Variants in ARID4B observed in about 807,000 individuals in gnomAD.
ARID4B encodes AT-rich interactive domain-containing protein 4B.
In ARID4B, 26 loss-of-function variants were observed where a neutral mutation model predicts 147.5. The observed-to-expected ratio is 0.18, with a 90% CI of 0.13 to 0.24. The LOEUF (loss-of-function observed/expected upper bound fraction) is 0.24, where lower values mean the gene tolerates loss of function less well. Among genes scored for constraint, ARID4B ranks in the 10% least tolerant of loss-of-function variants. The pLI, the probability that ARID4B is intolerant of heterozygous loss-of-function variation, is 1.00. For missense variants in ARID4B, 1,179 were observed against 1,511.5 expected (o/e 0.78, Z 3.65); for synonymous variants, 512 against 507.9 (o/e 1.01, Z -0.11).
At chr1:235,248,673 GTTGT>G (rs1457051865) in intron 6 of ARID4B, among the ~76,000 whole-genome samples, 2 of 152,154 alleles carry the variant, frequency 1.3e-5, no homozygotes, top group Non-Finnish European at 2.9e-5. Flanking sequence ...TTTCTAAAGA[GTTGT>G]TTAAGAATCA....
chr1:235,275,315 G>A (rs1223675992), intron 2 of ARID4B, among the ~76,000 whole-genome samples: 1 of 152,230 alleles, frequency 6.6e-6, no homozygotes, highest in African/African-American at 2.4e-5. Context: ...ACTCTGCTAT[G>A]AAGTTAAAGC....
At chr1:235,293,294 C>G (rs1021273556) in intron 2 of ARID4B, among the ~76,000 whole-genome samples, 1 of 152,110 alleles carries the variant, frequency 6.6e-6, no homozygotes, top group African/African-American at 2.4e-5. Context: ...AAATACTGAT[C>G]ATTAACACAA....
rs532683444 is a variant in ARID4B, at chr1:235,235,643, C to T, written c.586-1151G>A. Among the ~76,000 whole-genome samples the T allele has an allele frequency of 3.9e-5, 6 of 151,922 alleles. No individual in the cohort carries two copies. In the South Asian group the frequency reaches 1.2e-3, roughly 32 times the overall value. On this transcript the variant is annotated intron_variant, in intron 8 of 23. Transcript: ENST00000264183. ...AAGCTTTAAAAGGAGATGAGATCAC[C>T]GTAAAGAAAATACAGCGATACATTC... is the stretch of plus-strand genomic sequence containing the variant.
chr1:235,229,149 T>C (rs202181367), intron 11 of ARID4B, 82 bp downstream of exon 11: 3 of 1,476,524 alleles, frequency 2.0e-6, no homozygotes, highest in Non-Finnish European at 2.7e-6. Context: ...ATATGAGTAA[T>C]GACTTAATGC....
intron 16 of ARID4B, among the ~76,000 whole-genome samples, chr1:235,216,499 G>T (rs1317855761): frequency 6.6e-6 from 1 of 151,816 alleles, no homozygotes. Context: ...ATGCCACTAC[G>T]CTCTGCTGAT....
intron 2 of ARID4B, among the ~76,000 whole-genome samples, chr1:235,303,845 T>A (rs1394145088): frequency 3.3e-5 from 5 of 152,248 alleles, no homozygotes; most frequent in Non-Finnish European, 7.3e-5. Context: ...GCACACTAGC[T>A]ATACTACATA....
At chr1:235,295,587 G>A (rs1261145633) in intron 2 of ARID4B, among the ~76,000 whole-genome samples, 4 of 150,984 alleles carry the variant, frequency 2.6e-5, no homozygotes, top group African/African-American at 4.9e-5. Context: ...CAAGGCAGGC[G>A]GATCCGGAGG....
chr1:235,318,957 T>C (rs4659493), intron 2 of ARID4B, among the ~76,000 whole-genome samples: 44,663 of 151,834 alleles, frequency 0.29, 7,684 homozygotes, highest in South Asian at 0.53. Context: ...GGATAAGAAG[T>C]TTCTTGTTGG....
At chr1:235,318,166 TC>T (rs1430549100) in intron 2 of ARID4B, among the ~76,000 whole-genome samples, 10 of 138,680 alleles carry the variant, frequency 7.2e-5, no homozygotes, top group African/African-American at 2.1e-4. Flanking sequence ...CACTTGCTAC[TC>T]CTTTTTTTTT....
intron 2 of ARID4B, among the ~76,000 whole-genome samples, chr1:235,317,122 T>A (rs1397293102): frequency 1.3e-5 from 2 of 152,174 alleles, no homozygotes; most frequent in African/African-American, 4.8e-5. Flanking sequence ...TAATAAAAAT[T>A]TTTTTCTGAT....
chr1:235,242,334 T>G (rs967929428), intron 7 of ARID4B, among the ~76,000 whole-genome samples: 1 of 151,698 alleles, frequency 6.6e-6, no homozygotes, highest in South Asian at 2.1e-4. Context: ...ATAAGAAAAC[T>G]CAACCACCTT....
chr1:235,321,120 T>A (rs903787567), intron 2 of ARID4B, among the ~76,000 whole-genome samples: 7 of 152,216 alleles, frequency 4.6e-5, no homozygotes, highest in African/African-American at 1.7e-4. Flanking sequence ...GTTCAATGAC[T>A]GAATTCACTG....
intron 17 of ARID4B, among the ~76,000 whole-genome samples, chr1:235,212,807 TCAAA>T (rs1666794343): frequency 6.6e-6 from 1 of 152,130 alleles, no homozygotes; most frequent in African/African-American, 2.4e-5. Context: ...TTTGCAACAC[TCAAA>T]CACAGAATTT....
intron 7 of ARID4B, among the ~76,000 whole-genome samples, chr1:235,245,889 A>G (rs1669273007): frequency 6.6e-6 from 1 of 152,226 alleles, no homozygotes; most frequent in African/African-American, 2.4e-5. Context: ...AAGATCACAC[A>G]GCAAGGAAGT....
At chr1:235,319,380 C>T (rs1022235146) in intron 2 of ARID4B, among the ~76,000 whole-genome samples, 4 of 152,052 alleles carry the variant, frequency 2.6e-5, no homozygotes, top group African/African-American at 9.7e-5. Flanking sequence ...GGCATGGTGC[C>T]GTGCACCTCT....
intron 17 of ARID4B, among the ~76,000 whole-genome samples, chr1:235,213,058 C>T (rs1297386314): frequency 6.6e-6 from 1 of 152,056 alleles, no homozygotes; most frequent in Non-Finnish European, 1.5e-5. Context: ...AACTGGCTTG[C>T]CAATTTTGGA....
At chr1:235,302,490 T>C (rs1673253638) in intron 2 of ARID4B, among the ~76,000 whole-genome samples, 2 of 152,228 alleles carry the variant, frequency 1.3e-5, no homozygotes, top group African/African-American at 4.8e-5. Flanking sequence ...TATCATTACA[T>C]GTTGAAATAA....
chr1:235,258,794 T>C (rs138486741), intron 3 of ARID4B, among the ~76,000 whole-genome samples: 1,565 of 152,328 alleles, frequency 0.01, 25 homozygotes, highest in African/African-American at 0.033. Context: ...ATCACATGTT[T>C]AGATATCTGT....
chr1:235,301,492 T>C (rs553771049), intron 2 of ARID4B, among the ~76,000 whole-genome samples: 1 of 150,590 alleles, frequency 6.6e-6, no homozygotes, highest in East Asian at 2.0e-4. Context: ...TGAGCTGTGA[T>C]CACACCACTG....
Sources: allele counts gnomAD v4.1 joint callset (sites outside exome capture counted in the v4.1 genomes callset), GRCh38; gene constraint gnomAD v4.1.1; transcripts MANE v1.5; gene names NCBI Gene and HGNC (gene_info 2026-07-23, HGNC 2026-07-21).